The following NUBPL variants were observed in gnomAD, a reference collection of about 807,000 sequenced individuals.
NUBPL encodes NUBP iron-sulfur cluster assembly factor, mitochondrial.
A neutral mutation model predicts 45.7 loss-of-function variants in NUBPL; 31 were observed. The observed-to-expected ratio is 0.68, with a 90% CI of 0.51 to 0.92. The LOEUF is 0.92. Ranked by LOEUF, NUBPL falls within the 40% of genes least tolerant of loss-of-function variation. The pLI is 0.00. For missense variants in NUBPL, 401 were observed against 398.7 expected, an observed-to-expected ratio of 1.01 and a Z score of -0.05; for synonymous variants, 144 against 140.9, an observed-to-expected ratio of 1.02 and a Z score of -0.15.
intron 8 of NUBPL, among the ~76,000 whole-genome samples, chr14:31,834,069 C>G (rs1051380852): frequency 5.3e-5 from 8 of 151,442 alleles, no homozygotes; most frequent in Non-Finnish European, 1.2e-4. Context: ...AACTATTTTA[C>G]TCTTACAAAT....
intron 6 of NUBPL, among the ~76,000 whole-genome samples, chr14:31,700,058 GTTA>G (rs2139889392): frequency 6.6e-6 from 1 of 152,100 alleles, no homozygotes; most frequent in East Asian, 1.9e-4. Flanking sequence ...ATACTGTGCA[GTTA>G]TTATTTGTCA....
intron 6 of NUBPL, among the ~76,000 whole-genome samples, chr14:31,709,682 C>T (rs556251647): frequency 3.9e-5 from 6 of 152,286 alleles, no homozygotes; most frequent in Admixed American, 1.3e-4. Flanking sequence ...TGAAAAATTC[C>T]CCAGGTCTGC....
chr14:31,781,311 CA>C, intron 6 of NUBPL, among the ~76,000 whole-genome samples: 1 of 152,264 alleles, frequency 6.6e-6, no homozygotes, highest in Middle Eastern at 3.4e-3. Context: ...TTACTTTGAG[CA>C]GGGGAATACA....
intron 6 of NUBPL, among the ~76,000 whole-genome samples, chr14:31,764,085 T>C (rs897635324): frequency 5.9e-5 from 9 of 152,164 alleles, no homozygotes; most frequent in African/African-American, 2.2e-4. Flanking sequence ...TTGAGCCCTA[T>C]CATGATCCAA....
At chr14:31,857,028 C>A (rs190650011) in intron 10 of NUBPL, among the ~76,000 whole-genome samples, 31 of 152,310 alleles carry the variant, frequency 2.0e-4, no homozygotes, top group African/African-American at 6.5e-4. Flanking sequence ...TTCTGCACTG[C>A]CCTAGCAGAG....
At chr14:31,619,769 T>C (rs2035009930) in intron 4 of NUBPL, among the ~76,000 whole-genome samples, 1 of 152,168 alleles carries the variant, frequency 6.6e-6, no homozygotes, top group Non-Finnish European at 1.5e-5. Context: ...GCCTTAGGGT[T>C]GCTCTTTTCG....
chr14:31,682,036 T>C (rs573267002), intron 6 of NUBPL, among the ~76,000 whole-genome samples: 1 of 152,294 alleles, frequency 6.6e-6, no homozygotes, highest in South Asian at 2.1e-4. Context: ...TTAAATATGA[T>C]TTAGGTCAGG....
chr14:31,673,555 T>C lies in NUBPL; in HGVS notation c.494T>C (p.Ile165Thr), dbSNP rs1197378076. The C allele has an allele frequency of 1.1e-5, 17 of 1,613,814 alleles. No individual in the cohort carries two copies. Among genetic ancestry groups the C allele is most frequent in the Non-Finnish European group, 1.4e-5 (17 of 1,179,802 alleles). The stretch of plus-strand genomic sequence containing the variant: ...AGAGGCCTTATGGTAATGTCGGCCA[T>C]TGAGAAATTGTTGAGGCAGGTAAGA... Reference protein sequence around the residue: ...VWRGLMVMSAIEKLLRQVDWG... With the variant: ...VWRGLMVMSATEKLLRQVDWG... The change falls in exon 6 of 11, where the codon ATT becomes ACT. Residue 165 changes from isoleucine to threonine, a missense_variant. By Grantham distance (89) the Ile-to-Thr change is moderately conservative. Coordinates refer to ENST00000281081, the MANE Select transcript of NUBPL (RefSeq NM_025152.3).
intron 4 of NUBPL, among the ~76,000 whole-genome samples, chr14:31,603,409 A>G (rs1341613561): frequency 2.0e-5 from 3 of 151,992 alleles, no homozygotes; most frequent in Non-Finnish European, 4.4e-5. Flanking sequence ...TTGATTTGTA[A>G]TGATAATGAG....
intron 3 of NUBPL, among the ~76,000 whole-genome samples, chr14:31,582,029 C>T (rs909644742): frequency 2.0e-5 from 3 of 152,016 alleles, no homozygotes; most frequent in Admixed American, 6.6e-5. Context: ...TTTTGTTAGT[C>T]AATTCGTTTA....
At chr14:31,662,000 A>G (rs1445506255) in intron 4 of NUBPL, 1 of 152,084 alleles carries the variant, frequency 6.6e-6, no homozygotes, top group Non-Finnish European at 1.5e-5. Flanking sequence ...TTTGCTTATG[A>G]CATTCTTTTT....
chr14:31,814,364 C>T (rs2039873751), intron 7 of NUBPL, among the ~76,000 whole-genome samples: 3 of 152,104 alleles, frequency 2.0e-5, no homozygotes. Flanking sequence ...ATCTTTTGCC[C>T]ACTTTTTGAT....
chr14:31,660,710 ATGT>A (rs2036248397), intron 4 of NUBPL, among the ~76,000 whole-genome samples: 1 of 152,156 alleles, frequency 6.6e-6, no homozygotes, highest in Non-Finnish European at 1.5e-5. Context: ...TCAAGTGATA[ATGT>A]TGTTTTAGAC....
In NUBPL at chr14:31,725,846, A is replaced by T. The variant is rs964932191; in HGVS notation, c.513+52272A>T. On this transcript the variant is annotated intron_variant, in intron 6 of 10. Transcript: ENST00000281081. ...TGCCTCAGCCTCCCAAGTAGCTGGG[A>T]TTACAGGCGCCCACCACCACGCCCA... Among the ~76,000 whole-genome samples, 15 of 149,996 alleles carry T rather than the reference A, an allele frequency of 1.0e-4. No individual in the cohort carries two copies. The East Asian group carries it at 2.8e-3, about 28-fold the overall frequency.
rs151184820 is a variant in NUBPL at position 31,629,347 on chromosome 14, A to G, written c.382+29968A>G. 2.1e-3 allele frequency among the ~76,000 whole-genome samples: 327 copies of G among 152,300 alleles called. 1 individual carries two copies. Among genetic ancestry groups the G allele is most frequent in the African/African-American group, 7.2e-3 (301 of 41,566 alleles). ...TGTGTCTAATGTCAGGAAATACCTT[A>G]TTAGGCACGGCACATTGTAAAAAAA... On this transcript the variant is annotated intron_variant, in intron 4 of 10. Transcript: ENST00000281081.
chr14:31,666,269 AT>A (rs1566487262), intron 4 of NUBPL, among the ~76,000 whole-genome samples: 2 of 108,864 alleles, frequency 1.8e-5, no homozygotes, highest in African/African-American at 8.1e-5. Context: ...ATATAATTTT[AT>A]TTTATTTTTT....
intron 6 of NUBPL, among the ~76,000 whole-genome samples, chr14:31,760,975 G>A (rs747365807): frequency 7.2e-5 from 11 of 151,906 alleles, no homozygotes; most frequent in Non-Finnish European, 1.3e-4. Context: ...GGGATTACAG[G>A]CATGAACCAC....
intron 6 of NUBPL, among the ~76,000 whole-genome samples, chr14:31,718,571 T>G (rs2139943248): frequency 6.6e-6 from 1 of 152,252 alleles, no homozygotes; most frequent in Non-Finnish European, 1.5e-5. Flanking sequence ...TGATTAAAAT[T>G]GTAGTAAAAA....
intron 6 of NUBPL, among the ~76,000 whole-genome samples, chr14:31,716,962 G>GT (rs754444527): frequency 2.0e-5 from 3 of 152,020 alleles, no homozygotes; most frequent in Non-Finnish European, 2.9e-5. Flanking sequence ...ACCCTTTTCT[G>GT]TTTTTTGGGA....
Sources: gnomAD v4.1 joint callset for allele counts (sites outside exome capture counted in the v4.1 genomes callset) on GRCh38, gnomAD v4.1.1 for gene constraint, MANE v1.5 for transcripts, NCBI Gene and HGNC (gene_info 2026-07-23, HGNC 2026-07-21) for gene names.